ARHGAP26: variants seen among roughly 807,000 people sequenced by gnomAD.
ARHGAP26 encodes rho GTPase-activating protein 26.
In ARHGAP26, 38 loss-of-function variants were observed where a neutral mutation model predicts 104.8. The ratio of observed to expected loss-of-function variants is 0.36; its 90% CI spans 0.28 to 0.48. The LOEUF (loss-of-function observed/expected upper bound fraction) is 0.48, where lower values mean the gene tolerates loss of function less well. Among genes scored for constraint, ARHGAP26 ranks in the 20% least tolerant of loss-of-function variants. The pLI is 0.99. For missense variants in ARHGAP26, 704 were observed against 947.9 expected (o/e 0.74, Z 3.38); for synonymous variants, 341 against 340.0 (o/e 1.00, Z -0.03).
intron 1 of ARHGAP26, among the ~76,000 whole-genome samples, chr5:142,834,248 A>G (rs1276774676): frequency 6.6e-6 from 1 of 152,210 alleles, no homozygotes; most frequent in Non-Finnish European, 1.5e-5. Flanking sequence ...ACACTTATGT[A>G]ATGGCAACCC....
intron 10 of ARHGAP26, among the ~76,000 whole-genome samples, 195 bp from the exon 11 acceptor site, chr5:142,931,852 G>T (rs1562102906): frequency 6.6e-6 from 1 of 152,216 alleles, no homozygotes; most frequent in Non-Finnish European, 1.5e-5. Flanking sequence ...TGAGGGAGAT[G>T]GGCTGACTGA....
chr5:143,038,368 CA>C (rs1196809784), intron 13 of ARHGAP26, among the ~76,000 whole-genome samples: 3 of 152,100 alleles, frequency 2.0e-5, no homozygotes, highest in Non-Finnish European at 4.4e-5. Context: ...TGTATGGAAA[CA>C]TTTTTTAAAA....
At chr5:143,080,322 A>G (rs911449263) in intron 17 of ARHGAP26, among the ~76,000 whole-genome samples, 3 of 152,204 alleles carry the variant, frequency 2.0e-5, no homozygotes, top group Non-Finnish European at 2.9e-5. Flanking sequence ...CTGTGAATAC[A>G]GTGGTAAATT....
intron 1 of ARHGAP26, among the ~76,000 whole-genome samples, chr5:142,817,571 C>T (rs908883191): frequency 2.0e-5 from 3 of 152,056 alleles, no homozygotes; most frequent in Non-Finnish European, 2.9e-5. Flanking sequence ...TGGGGTCGGG[C>T]CTCGATTTCA....
rs761318223 is a variant in ARHGAP26, at chr5:143,057,722, C to A, written c.1513C>A (p.Gln505Lys). The change falls in exon 17 of 23, where the codon CAG becomes AAG. Residue 505 changes from glutamine to lysine, a missense_variant. Transcript: ENST00000645722. Reference sequence around the variant, plus strand: ...CCCAGAGAAAAATCGGCAGATGTTACAGCTGCTCATGAACCACTTGGCAAA... The same window carrying A: ...CCCAGAGAAAAATCGGCAGATGTTAAAGCTGCTCATGAACCACTTGGCAAA... ...RLPEKNRQML[Q>K]LLMNHLANVA... The A allele has an allele frequency of 6.2e-7, 1 of 1,613,852 alleles. No individual in the cohort carries two copies. The highest frequency in any genetic ancestry group is 1.3e-5 in the African/African-American group (1 of 74,898).
chr5:143,063,763 C>T (rs1042761130), intron 17 of ARHGAP26, among the ~76,000 whole-genome samples: 6 of 152,242 alleles, frequency 3.9e-5, no homozygotes, highest in African/African-American at 1.4e-4. Context: ...CTTCTAGCTT[C>T]AGCTCAAATG....
At chr5:142,994,740 G>A (rs114107301) in intron 11 of ARHGAP26, among the ~76,000 whole-genome samples, 9 of 152,268 alleles carry the variant, frequency 5.9e-5, no homozygotes, top group African/African-American at 1.9e-4. Flanking sequence ...AATGATTATT[G>A]GCTGCTGTTT....
intron 1 of ARHGAP26, among the ~76,000 whole-genome samples, chr5:142,837,555 T>G (rs1463781234): frequency 6.6e-6 from 1 of 152,234 alleles, no homozygotes; most frequent in African/African-American, 2.4e-5. Flanking sequence ...TTGTGCCTGC[T>G]TCTCCTGCCT....
chr5:142,923,857 CTTTTTTTTTTTT>C (rs11389284), intron 10 of ARHGAP26, among the ~76,000 whole-genome samples: 2,333 of 105,900 alleles, frequency 0.022, 80 homozygotes, highest in African/African-American at 0.079. Context: ...GGATCAGATC[CTTTTTTTTTTTT>C]TTTTTTTTTT....
chr5:143,128,140 T>G (rs1796925261), intron 18 of ARHGAP26, among the ~76,000 whole-genome samples: 1 of 152,244 alleles, frequency 6.6e-6, no homozygotes, highest in African/African-American at 2.4e-5. Context: ...ACAAGTGCTG[T>G]GTAAGATACT....
At chr5:142,988,104 G>A (rs1419088471) in intron 11 of ARHGAP26, among the ~76,000 whole-genome samples, 1 of 152,152 alleles carries the variant, frequency 6.6e-6, no homozygotes, top group African/African-American at 2.4e-5. Flanking sequence ...GTAGAATTTG[G>A]CTGTGAATCC....
Position 142,924,217 on chromosome 5 carries a change from C to T in ARHGAP26, c.1029-7830C>T, listed in dbSNP as rs115733799. On this transcript the variant is annotated intron_variant, in intron 10 of 22. Transcript: ENST00000645722. ...TTGACCCTTGCTTCCTCCCTCCCTC[C>T]TCTTTCCAACTCTCCTTCCCTCCCT... Among the ~76,000 whole-genome samples, 1,027 of 152,216 alleles carry T rather than the reference C, an allele frequency of 6.7e-3. 14 individuals are homozygous for T. The highest frequency in any genetic ancestry group is 0.024 in the African/African-American group (981 of 41,514).
rs1369235507 is a variant in ARHGAP26, at chr5:142,770,918, G to T, written c.154+3G>T. On this transcript the variant is annotated splice_donor_region_variant and intron_variant, in intron 1 of 22. Coordinates refer to ENST00000645722, the MANE Select transcript of ARHGAP26 (RefSeq NM_001135608.3). Reference sequence around the variant, plus strand: ...GTCACTCATAAGCGCGCTCAAGAGTGAGTGTCCCGAGCCCCTCGGGGACGC... The same window carrying T: ...GTCACTCATAAGCGCGCTCAAGAGTTAGTGTCCCGAGCCCCTCGGGGACGC... 1 of 1,604,192 alleles carries T rather than the reference G, an allele frequency of 6.2e-7. No homozygotes were observed. Among genetic ancestry groups the T allele is most frequent in the Non-Finnish European group, 8.5e-7 (1 of 1,174,914 alleles).
intron 20 of ARHGAP26, among the ~76,000 whole-genome samples, chr5:143,167,543 TA>T (rs1421018959): frequency 1.9e-5 from 2 of 107,644 alleles, no homozygotes; most frequent in African/African-American, 3.9e-5. Context: ...GTAATAAGAA[TA>T]GGGGCGCTCA....
At chr5:143,074,255 T>TTG (rs1304728375) in intron 17 of ARHGAP26, among the ~76,000 whole-genome samples, 1 of 152,184 alleles carries the variant, frequency 6.6e-6, no homozygotes, top group African/African-American at 2.4e-5. Flanking sequence ...CTGTATTATT[T>TTG]TGTGTGTGTG....
chr5:143,014,059 A>G (rs1354230629), intron 11 of ARHGAP26, 21 bp from the exon 12 acceptor site: 2 of 1,613,748 alleles, frequency 1.2e-6, no homozygotes, highest in Admixed American at 1.7e-5. Flanking sequence ...ACATAAGTGA[A>G]TTTTTATTTT....
chr5:143,043,416 G>C (rs1056079096), intron 14 of ARHGAP26, among the ~76,000 whole-genome samples: 3 of 152,084 alleles, frequency 2.0e-5, no homozygotes, highest in African/African-American at 7.2e-5. Flanking sequence ...CCATTGTATG[G>C]ATGTACTGCA....
At chr5:142,986,512 G>A (rs958311149) in intron 11 of ARHGAP26, among the ~76,000 whole-genome samples, 1 of 152,000 alleles carries the variant, frequency 6.6e-6, no homozygotes, top group African/African-American at 2.4e-5. Flanking sequence ...TCTTTAATTA[G>A]ATCCCATTTG....
chr5:143,121,248 CT>C, intron 18 of ARHGAP26, 101 bp downstream of exon 18: 1 of 1,190,186 alleles, frequency 8.4e-7, no homozygotes, highest in Non-Finnish European at 1.2e-6. Context: ...GCTAATCACT[CT>C]TACACTGTCA....
Sources: gnomAD v4.1 joint callset for allele counts (sites outside exome capture counted in the v4.1 genomes callset) on GRCh38, gnomAD v4.1.1 for gene constraint, MANE v1.5 for transcripts, NCBI Gene and HGNC (gene_info 2026-07-23, HGNC 2026-07-21) for gene names.